MEST: variants seen among roughly 807,000 people sequenced by gnomAD.
MEST encodes the protein mesoderm specific transcript.
Under a neutral mutation model 50.9 loss-of-function variants are expected in MEST, and 18 were observed. The observed-to-expected ratio is 0.35, with a 90% CI of 0.24 to 0.52. The LOEUF is 0.52. Ranked by LOEUF, MEST falls within the 20% of genes least tolerant of loss-of-function variation. The pLI is 0.94. For synonymous variants in MEST, 130 were observed against 154.1 expected (o/e 0.84, Z 1.16); for missense variants, 282 against 425.3 (o/e 0.66, Z 2.96).
chr7:130,492,272 T>C lies in MEST; in HGVS notation c.-42T>C. ...CGGCTGCGGGCTCTGCGGCGCCCGG[T>C]GCTCTGCAACGCTGCGGCGGGCGGC... is the stretch of plus-strand genomic sequence containing the variant. On this transcript the variant is annotated 5_prime_UTR_variant, in exon 1 of 12. Coordinates refer to ENST00000223215, the MANE Select transcript of MEST (RefSeq NM_002402.4). The surrounding 1 kb of genome is among the most constrained non-coding windows in gnomAD (Gnocchi z 7.6). 1 of 1,343,100 alleles carries C rather than the reference T, an allele frequency of 7.4e-7. No individual in the cohort carries two copies. Among genetic ancestry groups the C allele is most frequent in the Non-Finnish European group, 9.5e-7 (1 of 1,048,968 alleles). 83.2% of individuals were successfully genotyped at this position (1,343,100 alleles called of 1,614,324 possible).
intron 2 of MEST, chr7:130,496,561 A>G (rs1799069729): frequency 5.1e-6 from 1 of 194,244 alleles, no homozygotes; most frequent in Non-Finnish European, 1.0e-5. Flanking sequence ...GAATGCTTCC[A>G]TATTGTCATA....
chr7:130,501,418 C>A (rs1251590428), intron 9 of MEST, among the ~76,000 whole-genome samples: 8 of 152,138 alleles, frequency 5.3e-5, no homozygotes, highest in African/African-American at 1.7e-4. Flanking sequence ...CTCTCCTAAG[C>A]CCCAACAGGA....
intron 9 of MEST, among the ~76,000 whole-genome samples, chr7:130,502,443 A>AT (rs1799310721): frequency 6.6e-6 from 1 of 152,210 alleles, no homozygotes; most frequent in Non-Finnish European, 1.5e-5. Flanking sequence ...GATAGTAGGC[A>AT]TAATCACTAC....
intron 9 of MEST, 77 bp from the exon 10 acceptor site, chr7:130,502,567 G>A: frequency 9.5e-7 from 1 of 1,050,764 alleles, no homozygotes; most frequent in South Asian, 1.3e-5. Context: ...TGTGTTCCTT[G>A]TGGCTCGTTA....
upstream of MEST, chr7:130,491,950 C>T (rs2116222663): frequency 1.8e-5 from 3 of 162,826 alleles, no homozygotes; most frequent in Non-Finnish European, 4.0e-5. The surrounding 1 kb of genome is among the most constrained non-coding windows in gnomAD (Gnocchi z 6.8). Context: ...ATCTTTGTGG[C>T]CATGGCGGTG....
chr7:130,497,683 T>C lies in MEST; in HGVS notation c.262-253T>C. 1.9e-6 allele frequency: 1 copy of C among 525,672 alleles called. No individual in the cohort carries two copies. Among genetic ancestry groups the C allele is most frequent in the Non-Finnish European group, 3.4e-6 (1 of 294,192 alleles). The allele number at this position is 525,672 out of a possible 1,614,324, so 32.6% of individuals were successfully genotyped here. A position where few individuals can be genotyped will look rare whatever the true frequency, so the allele number is the denominator to read the frequency against. ...AAATGTTGAACTGTTCCTTATTTAC[T>C]GAAGGGAATAAACAACTCCTTGGCA... On this transcript the variant is annotated intron_variant, in intron 3 of 11. Coordinates refer to ENST00000223215, the MANE Select transcript of MEST (RefSeq NM_002402.4). The surrounding 1 kb of genome is among the most constrained non-coding windows in gnomAD (Gnocchi z 4.0).
Position 130,497,833 on chromosome 7 carries a change from A to G in MEST, c.262-103A>G. 1 of 972,554 alleles carries G rather than the reference A, an allele frequency of 1.0e-6. No homozygotes were observed. The highest frequency in any genetic ancestry group is 1.7e-5 in the Admixed American group (1 of 57,240). 60.2% of individuals were successfully genotyped at this position (972,554 alleles called of 1,614,324 possible). A position where few individuals can be genotyped will look rare whatever the true frequency, so the allele number is the denominator to read the frequency against. ...TTTCATGGCGTTTTCTCTTTATGGA[A>G]GTCTGTTAAGCCAAGATAGGGCTGA... On this transcript the variant is annotated intron_variant, in intron 3 of 11. Transcript: ENST00000223215. This position sits in a 1 kb window ranked among gnomAD's most constrained non-coding sequence, Gnocchi z 4.0.
chr7:130,499,728 G>GC (rs1799204344), intron 6 of MEST, 147 bp from the exon 7 acceptor site: 1 of 576,454 alleles, frequency 1.7e-6, no homozygotes, highest in South Asian at 2.6e-5. Context: ...GAGGTGGCTT[G>GC]CACCTGTAAT....
chr7:130,501,986 C>CA (rs3835383), intron 9 of MEST, among the ~76,000 whole-genome samples: 122 of 121,160 alleles, frequency 1.0e-3, no homozygotes, highest in East Asian at 2.4e-3. Flanking sequence ...GACTCCGTCT[C>CA]AAAAAAAAAA....
At position 130,500,772 on chromosome 7, in the gene MEST, G is replaced by C. The variant is rs373035331; in HGVS notation, c.648-17G>C. ...GTTCTCCTCACACTTATCTTCCTGC[G>C]TTTTGGACTCTTTCAGTCTCACCCC... On this transcript the variant is annotated splice_polypyrimidine_tract_variant and intron_variant, in intron 8 of 11. Coordinates refer to ENST00000223215, the MANE Select transcript of MEST (RefSeq NM_002402.4). This position sits in a 1 kb window ranked among gnomAD's most constrained non-coding sequence, Gnocchi z 5.0. The C allele has an allele frequency of 6.3e-7, 1 of 1,596,808 alleles. No homozygotes were observed. Among genetic ancestry groups the C allele is most frequent in the Admixed American group, 1.8e-5 (1 of 57,094 alleles).
upstream of MEST, among the ~76,000 whole-genome samples, chr7:130,490,250 A>G (rs192829015): frequency 6.6e-6 from 1 of 152,248 alleles, no homozygotes; most frequent in East Asian, 1.9e-4. Flanking sequence ...GTGGCTTCTC[A>G]TTTTCTCTAG....
chr7:130,498,884 A>G, intron 6 of MEST: 1 of 190,858 alleles, frequency 5.2e-6, no homozygotes, highest in South Asian at 1.3e-4. Context: ...AGGATTGAAG[A>G]TACAGAAAAA....
intron 9 of MEST, among the ~76,000 whole-genome samples, chr7:130,501,481 CTT>C (rs1431374366): frequency 1.3e-5 from 2 of 152,272 alleles, no homozygotes; most frequent in East Asian, 3.9e-4. Flanking sequence ...TTAAGACTGT[CTT>C]TTAAAATTAT....
At chr7:130,493,821 G>C (rs533489576) in intron 1 of MEST, among the ~76,000 whole-genome samples, 2 of 152,334 alleles carry the variant, frequency 1.3e-5, no homozygotes, top group East Asian at 3.9e-4. Context: ...GTACAGGACA[G>C]ATAGGGCTGG....
rs1799456356 is a variant in MEST, at chr7:130,505,815, A to G, written c.*759A>G. The G allele has an allele frequency of 6.6e-6, 1 of 152,252 alleles. No homozygotes were observed. The highest frequency in any genetic ancestry group is 1.5e-5 in the Non-Finnish European group (1 of 68,038). The allele number at this position is 152,252 out of a possible 1,614,324, so 9.4% of individuals were successfully genotyped here. On this transcript the variant is annotated 3_prime_UTR_variant, in exon 12 of 12. Coordinates refer to ENST00000223215, the MANE Select transcript of MEST (RefSeq NM_002402.4). ...TAAAATCACAGGACATTAAGGACCA[A>G]TAGCATCTGTGCCAGAGATGTACTG...
chr7:130,496,080 G>A (rs1282837171), intron 2 of MEST: 1 of 470,456 alleles, frequency 2.1e-6, no homozygotes, highest in African/African-American at 2.0e-5. Context: ...TTTTATAGGT[G>A]AAGAAACTGA....
In MEST at chr7:130,492,427, G is replaced by A; in HGVS notation, c.26+88G>A. Reference sequence around the variant, plus strand: ...CGGAGGACTGTGTGCCCGTGTCCGAGCTGGGGCTGCCTCTGGGCGAAAACT... The same window carrying A: ...CGGAGGACTGTGTGCCCGTGTCCGAACTGGGGCTGCCTCTGGGCGAAAACT... On this transcript the variant is annotated intron_variant, in intron 1 of 11. Coordinates refer to ENST00000223215, the MANE Select transcript of MEST (RefSeq NM_002402.4). The surrounding 1 kb of genome is among the most constrained non-coding windows in gnomAD (Gnocchi z 7.6). 1 of 1,137,856 alleles carries A rather than the reference G, an allele frequency of 8.8e-7. No individual in the cohort carries two copies. The highest frequency in any genetic ancestry group is 1.1e-6 in the Non-Finnish European group (1 of 895,668). The allele number at this position is 1,137,856 out of a possible 1,614,324, so 70.5% of individuals were successfully genotyped here.
rs782342093 is a variant in MEST, at chr7:130,497,004, G to C, written c.182-152G>C. 2.1e-4 allele frequency: 119 copies of C among 568,378 alleles called. No individual in the cohort carries two copies. Among genetic ancestry groups the C allele is most frequent in the Non-Finnish European group, 3.1e-4 (100 of 321,522 alleles). The allele number at this position is 568,378 out of a possible 1,614,324, so 35.2% of individuals were successfully genotyped here. A position where few individuals can be genotyped will look rare whatever the true frequency, so the allele number is the denominator to read the frequency against. On this transcript the variant is annotated intron_variant, in intron 2 of 11. Transcript: ENST00000223215. This position sits in a 1 kb window ranked among gnomAD's most constrained non-coding sequence, Gnocchi z 4.0. Reference sequence around the variant, plus strand: ...AAAAGGCCTGTTCTCACCTAACGCAGTTAAGCTTACATTTTACAAATAATT... The same window carrying C: ...AAAAGGCCTGTTCTCACCTAACGCACTTAAGCTTACATTTTACAAATAATT...
intron 2 of MEST, chr7:130,495,997 C>A: frequency 4.7e-6 from 2 of 428,684 alleles, no homozygotes; most frequent in East Asian, 7.7e-5. Flanking sequence ...ATATGCCAGG[C>A]ACTGAGTTAT....
Sources: allele counts gnomAD v4.1 joint callset (sites outside exome capture counted in the v4.1 genomes callset), GRCh38; gene constraint gnomAD v4.1.1; non-coding constraint Gnocchi (gnomAD v3.1); transcripts MANE v1.5; gene names NCBI Gene and HGNC (gene_info 2026-07-23, HGNC 2026-07-21).